The following GALM variants were observed in gnomAD, a reference collection of about 807,000 sequenced individuals.
GALM encodes the protein aldose 1-epimerase.
Under a neutral mutation model 37.4 loss-of-function variants are expected in GALM, and 43 were observed. The observed-to-expected ratio is 1.15, with a 90% CI of 0.90 to 1.48. The LOEUF is 1.48. Ranked by LOEUF, GALM falls within the 40% of genes most tolerant of loss-of-function variation. The pLI is 0.00. For synonymous variants in GALM, 199 were observed against 170.6 expected, an observed-to-expected ratio of 1.17 and a Z score of -1.30; for missense variants, 456 against 419.1, an observed-to-expected ratio of 1.09 and a Z score of -0.77.
chr2:38,694,958 T>C (rs1665771405), intron 4 of GALM, among the ~76,000 whole-genome samples: 1 of 151,550 alleles, frequency 6.6e-6, no homozygotes, highest in Non-Finnish European at 1.5e-5. Context: ...TCAGGTGTCA[T>C]TGTTCTGTTG....
At position 38,684,052 on chromosome 2, in the gene GALM, T is replaced by A. The variant is rs187895999; in HGVS notation, c.552+2566T>A. Among the ~76,000 whole-genome samples the A allele has an allele frequency of 2.6e-5, 4 of 152,280 alleles. No individual in the cohort carries two copies. The East Asian group carries it at 7.7e-4, about 29-fold the overall frequency. ...AGGGCCTCTGCATCTTCAGAATATCTCTTGCCATACCTTGAGAAGCATTAT... is the reference window on the plus strand; with the variant it reads ...AGGGCCTCTGCATCTTCAGAATATCACTTGCCATACCTTGAGAAGCATTAT... On this transcript the variant is annotated intron_variant, in intron 3 of 6. Coordinates refer to ENST00000272252, the MANE Select transcript of GALM (RefSeq NM_138801.3).
intron 4 of GALM, among the ~76,000 whole-genome samples, chr2:38,695,177 C>T (rs905326320): frequency 2.6e-5 from 4 of 152,074 alleles, no homozygotes; most frequent in African/African-American, 7.2e-5. Context: ...AATCCCAGCA[C>T]TTCAGGAGGT....
chr2:38,686,079 G>T (rs957012760), intron 3 of GALM, among the ~76,000 whole-genome samples: 8 of 151,524 alleles, frequency 5.3e-5, no homozygotes, highest in Non-Finnish European at 1.2e-4. Flanking sequence ...CCCTTAAGAG[G>T]GTGGGTGCCT....
intron 4 of GALM, among the ~76,000 whole-genome samples, chr2:38,727,843 A>G (rs1666518986): frequency 6.6e-6 from 1 of 152,118 alleles, no homozygotes; most frequent in African/African-American, 2.4e-5. Context: ...GTTTTAAATG[A>G]CTGGCAATTG....
intron 4 of GALM, among the ~76,000 whole-genome samples, chr2:38,703,054 T>TATA (rs1665951434): frequency 1.4e-4 from 2 of 13,956 alleles, no homozygotes; most frequent in African/African-American, 4.0e-4. Context: ...ATGTGGGATT[T>TATA]TATATATATA....
At chr2:38,697,417 T>G (rs1192947876) in intron 4 of GALM, among the ~76,000 whole-genome samples, 1 of 152,194 alleles carries the variant, frequency 6.6e-6, no homozygotes, top group African/African-American at 2.4e-5. Flanking sequence ...CTTCTCCCTT[T>G]TGTGGCTATT....
chr2:38,701,635 G>A (rs935112686), intron 4 of GALM, among the ~76,000 whole-genome samples: 3 of 152,186 alleles, frequency 2.0e-5, no homozygotes, highest in Non-Finnish European at 4.4e-5. Context: ...ATGAGGCTGT[G>A]GAGAGAGGCC....
chr2:38,711,246 G>A (rs1437074612), intron 4 of GALM, among the ~76,000 whole-genome samples: 1 of 147,132 alleles, frequency 6.8e-6, no homozygotes, highest in Admixed American at 7.0e-5. Context: ...TGCAACCTCC[G>A]CCTCCCAGGT....
intron 4 of GALM, among the ~76,000 whole-genome samples, chr2:38,701,729 G>T (rs546645553): frequency 1.3e-5 from 2 of 152,270 alleles, no homozygotes; most frequent in East Asian, 3.9e-4. Context: ...CCTGGGGCAG[G>T]TCTCTATCTC....
intron 4 of GALM, among the ~76,000 whole-genome samples, chr2:38,713,183 G>A (rs1431491699): frequency 1.3e-5 from 2 of 152,148 alleles, no homozygotes; most frequent in African/African-American, 4.8e-5. Flanking sequence ...TACCCAAGCT[G>A]CTGGGAAGTA....
At chr2:38,706,453 T>C (rs1482740504) in intron 4 of GALM, among the ~76,000 whole-genome samples, 1 of 148,304 alleles carries the variant, frequency 6.7e-6, no homozygotes, top group Non-Finnish European at 1.5e-5. Flanking sequence ...GGCAGGTGGA[T>C]TGCTTGAGCC....
chr2:38,697,180 G>T lies in GALM; in HGVS notation c.634+7286G>T, dbSNP rs12618339. On this transcript the variant is annotated intron_variant, in intron 4 of 6. Transcript: ENST00000272252. ...GGCTTATGTGGGGAAATTTGTGATG[G>T]ATTTAGGGAAACTTAGGGTAAATTT... 8.5e-3 allele frequency among the ~76,000 whole-genome samples: 1,300 copies of T among 152,256 alleles called. 76 individuals carry two copies. The East Asian group carries it at 0.17, about 20-fold the overall frequency.
intron 3 of GALM, among the ~76,000 whole-genome samples, chr2:38,684,841 C>G (rs1035294348): frequency 2.0e-5 from 3 of 152,016 alleles, no homozygotes; most frequent in African/African-American, 4.8e-5. Context: ...AAAAAAACAA[C>G]AGAAACTTTA....
At chr2:38,708,236 G>A (rs938852238) in intron 4 of GALM, among the ~76,000 whole-genome samples, 3 of 151,914 alleles carry the variant, frequency 2.0e-5, no homozygotes, top group Admixed American at 1.3e-4. Context: ...GAGAGCTAGG[G>A]GCTACAGTGA....
At chr2:38,717,628 G>A (rs1425894362) in intron 4 of GALM, among the ~76,000 whole-genome samples, 4 of 151,932 alleles carry the variant, frequency 2.6e-5, no homozygotes, top group South Asian at 2.1e-4. Context: ...TCGAACTCCC[G>A]GCCTCAAGTG....
At chr2:38,687,262 G>A (rs1047972816) in intron 3 of GALM, among the ~76,000 whole-genome samples, 1 of 152,228 alleles carries the variant, frequency 6.6e-6, no homozygotes, top group African/African-American at 2.4e-5. Flanking sequence ...GCTCTAGGCA[G>A]GGGTACAGAC....
At position 38,679,844 on chromosome 2, in the gene GALM, G is replaced by A. The variant is rs1290984884; in HGVS notation, c.346-1436G>A. 2.0e-5 allele frequency among the ~76,000 whole-genome samples: 3 copies of A among 152,194 alleles called. No homozygotes were observed. In the East Asian group the frequency reaches 5.8e-4, roughly 29 times the overall value. ...AAGTCTGCTTTGAGACAGATAGACA[G>A]TGTCTGTGAAGTTTGTAGCAAAGAG... On this transcript the variant is annotated intron_variant, in intron 2 of 6. Coordinates refer to ENST00000272252, the MANE Select transcript of GALM (RefSeq NM_138801.3).
intron 4 of GALM, among the ~76,000 whole-genome samples, chr2:38,701,051 AGGACCTGATTCTAGTTCCCTGCCCT>A (rs1299845730): frequency 2.0e-5 from 3 of 152,220 alleles, no homozygotes; most frequent in African/African-American, 7.2e-5. Flanking sequence ...ATTTAGCTTC[AGGACCTGATTCTAGTTCCCTGCCCT>A]GTGGCAACAA....
chr2:38,709,606 C>A (rs1179785277), intron 4 of GALM, among the ~76,000 whole-genome samples: 1 of 150,118 alleles, frequency 6.7e-6, no homozygotes, highest in Non-Finnish European at 1.5e-5. Context: ...AAGCCGCAAA[C>A]CCAAAGCACC....
Sources: allele counts gnomAD v4.1 joint callset (sites outside exome capture counted in the v4.1 genomes callset), GRCh38; gene constraint gnomAD v4.1.1; transcripts MANE v1.5; gene names NCBI Gene and HGNC (gene_info 2026-07-23, HGNC 2026-07-21).